CTNNA3: variants seen among roughly 807,000 people sequenced by gnomAD.
CTNNA3 encodes the protein catenin alpha 3.
In CTNNA3, 76 loss-of-function variants were observed where a neutral mutation model predicts 95.7. The observed-to-expected ratio is 0.79, with a 90% CI of 0.66 to 0.96. The LOEUF (loss-of-function observed/expected upper bound fraction) is 0.96, where lower values mean the gene tolerates loss of function less well. Ranked by LOEUF, CTNNA3 falls within the 40% of genes least tolerant of loss-of-function variation. The pLI, the probability that CTNNA3 is intolerant of heterozygous loss-of-function variation, is 0.00. For missense variants in CTNNA3, 1,191 were observed against 1,089.8 expected (o/e 1.09, Z -1.31); for synonymous variants, 431 against 374.4 (o/e 1.15, Z -1.74).
chr10:66,887,141 A>G (rs558092222), intron 7 of CTNNA3, among the ~76,000 whole-genome samples: 1 of 152,282 alleles, frequency 6.6e-6, no homozygotes, highest in East Asian at 1.9e-4. Context: ...TTCATTCTAT[A>G]TGCTCTACTG....
intron 10 of CTNNA3, among the ~76,000 whole-genome samples, chr10:66,546,063 G>A (rs1422581199): frequency 6.0e-5 from 9 of 151,208 alleles, no homozygotes; most frequent in African/African-American, 2.2e-4. Flanking sequence ...CTCTCTTATG[G>A]ATGTATTTTG....
chr10:67,563,553 A>C (rs1841623776), intron 3 of CTNNA3, among the ~76,000 whole-genome samples: 1 of 152,198 alleles, frequency 6.6e-6, no homozygotes, highest in Non-Finnish European at 1.5e-5. Flanking sequence ...AAGAAAACCT[A>C]GGCATTACCA....
chr10:67,486,405 G>C (rs1848451138), intron 5 of CTNNA3, among the ~76,000 whole-genome samples: 1 of 151,976 alleles, frequency 6.6e-6, no homozygotes, highest in African/African-American at 2.4e-5. Flanking sequence ...TGATAGTCTA[G>C]ATATTTAACC....
At chr10:66,620,542 G>A (rs1029566473) in intron 10 of CTNNA3, among the ~76,000 whole-genome samples, 2 of 152,148 alleles carry the variant, frequency 1.3e-5, no homozygotes, top group East Asian at 1.9e-4. Flanking sequence ...ATAACCTTGA[G>A]CATTATTCAC....
intron 9 of CTNNA3, among the ~76,000 whole-genome samples, chr10:66,639,946 C>T (rs770286975): frequency 3.7e-4 from 56 of 152,036 alleles, no homozygotes; most frequent in African/African-American, 2.2e-4. Context: ...AATTATACTA[C>T]GGATGAACTG....
chr10:66,154,015 C>G (rs925605746), intron 13 of CTNNA3, among the ~76,000 whole-genome samples: 4 of 151,838 alleles, frequency 2.6e-5, no homozygotes, highest in Admixed American at 1.3e-4. Flanking sequence ...ATCTGAAGGG[C>G]TGCAATCTCT....
intron 11 of CTNNA3, among the ~76,000 whole-genome samples, chr10:66,516,594 G>C (rs1014233616): frequency 1.3e-5 from 2 of 152,162 alleles, no homozygotes; most frequent in Non-Finnish European, 1.5e-5. Context: ...TTATGCCACA[G>C]AAATAAACAA....
intron 7 of CTNNA3, among the ~76,000 whole-genome samples, chr10:66,778,698 C>G (rs905191489): frequency 6.6e-6 from 1 of 151,994 alleles, no homozygotes; most frequent in Non-Finnish European, 1.5e-5. Context: ...AATTCTGGGC[C>G]GAGTGCGGTG....
intron 5 of CTNNA3, among the ~76,000 whole-genome samples, chr10:67,499,386 C>A (rs10997672): frequency 0.17 from 25,672 of 151,866 alleles, 3,438 homozygotes; most frequent in East Asian, 0.35. Context: ...ATATTGGCCC[C>A]AAATTTTCTT....
intron 7 of CTNNA3, among the ~76,000 whole-genome samples, chr10:66,996,206 T>G (rs1439652814): frequency 1.3e-5 from 2 of 152,216 alleles, no homozygotes; most frequent in African/African-American, 2.4e-5. Context: ...GAGACTGATA[T>G]TATATAATTA....
At chr10:66,939,203 A>G (rs1216310612) in intron 7 of CTNNA3, among the ~76,000 whole-genome samples, 1 of 152,194 alleles carries the variant, frequency 6.6e-6, no homozygotes, top group Non-Finnish European at 1.5e-5. Flanking sequence ...GATCATGCAG[A>G]AGGCATGTTA....
intron 11 of CTNNA3, among the ~76,000 whole-genome samples, chr10:66,493,597 G>GTTTTTTTTTTTTTTT (rs1589329310): frequency 1.7e-5 from 2 of 119,554 alleles, no homozygotes; most frequent in Non-Finnish European, 3.2e-5. Flanking sequence ...TTTAACTACA[G>GTTTTTTTTTTTTTTT]TATTTTTTTT....
At chr10:67,119,430 A>G (rs911537723) in intron 7 of CTNNA3, among the ~76,000 whole-genome samples, 1 of 151,964 alleles carries the variant, frequency 6.6e-6, no homozygotes, top group African/African-American at 2.4e-5. Flanking sequence ...AAACTCATTA[A>G]TTAAAGCCAA....
chr10:67,162,859 C>T (rs1861609511), intron 7 of CTNNA3, among the ~76,000 whole-genome samples: 1 of 151,924 alleles, frequency 6.6e-6, no homozygotes, highest in Admixed American at 6.6e-5. Context: ...ATACAAACAA[C>T]TTTAACATGT....
At chr10:67,275,322 C>T (rs1289616008) in intron 5 of CTNNA3, among the ~76,000 whole-genome samples, 1 of 152,092 alleles carries the variant, frequency 6.6e-6, no homozygotes, top group Non-Finnish European at 1.5e-5. Flanking sequence ...TGGTCCTTGG[C>T]AGCATGGCTT....
intron 3 of CTNNA3, among the ~76,000 whole-genome samples, chr10:67,597,819 AG>A (rs1472690398): frequency 6.6e-6 from 1 of 152,136 alleles, no homozygotes; most frequent in Non-Finnish European, 1.5e-5. Flanking sequence ...CAAGGTTTAT[AG>A]GAAGAGGCTG....
intron 1 of CTNNA3, among the ~76,000 whole-genome samples, chr10:67,707,650 C>T (rs551580445): frequency 7.2e-5 from 11 of 152,044 alleles, no homozygotes; most frequent in Non-Finnish European, 1.5e-4. Context: ...TGGCAGTGTC[C>T]GTTAGTGTAT....
chr10:66,221,623 C>T (rs2088932801), intron 13 of CTNNA3, among the ~76,000 whole-genome samples: 1 of 152,136 alleles, frequency 6.6e-6, no homozygotes, highest in Admixed American at 6.5e-5. Context: ...CCCATTCAAC[C>T]AAATATAACT....
intron 13 of CTNNA3, among the ~76,000 whole-genome samples, chr10:66,279,624 T>TCAAGCCC (rs2091459367): frequency 6.6e-6 from 1 of 151,890 alleles, no homozygotes; most frequent in African/African-American, 2.4e-5. Context: ...AACAGCAGGA[T>TCAAGCCC]CAAGCCCCAA....
Sources: allele counts gnomAD v4.1 joint callset (sites outside exome capture counted in the v4.1 genomes callset), GRCh38; gene constraint gnomAD v4.1.1; transcripts MANE v1.5; gene names NCBI Gene and HGNC (gene_info 2026-07-23, HGNC 2026-07-21).